The following NDUFA2 variants were observed in gnomAD, a reference collection of about 807,000 sequenced individuals.
The protein encoded by NDUFA2 is NADH dehydrogenase [ubiquinone] 1 alpha subcomplex subunit 2.
In NDUFA2, 9 loss-of-function variants were observed where a neutral mutation model predicts 11.4. The observed-to-expected ratio is 0.79, with a 90% CI of 0.48 to 1.38. NDUFA2 has a LOEUF of 1.38. NDUFA2 is among the 40% of genes most tolerant of loss of function. The pLI is 0.00. For missense variants in NDUFA2, 150 were observed against 131.2 expected (o/e 1.14, Z -0.70); for synonymous variants, 49 against 54.0 (o/e 0.91, Z 0.41).
intron 2 of NDUFA2, chr5:140,646,939 G>A (rs190316258): frequency 3.1e-4 from 86 of 274,684 alleles, no homozygotes; most frequent in Middle Eastern, 2.4e-3. Flanking sequence ...TACCTGGACT[G>A]ACACTGGCTA....
rs745556493 is a variant in NDUFA2 at position 140,647,256 on chromosome 5, C to T, written c.208G>A (p.Ala70Thr). The T allele has an allele frequency of 6.5e-6, 10 of 1,544,798 alleles. No homozygotes were observed. The South Asian group carries it at 1.0e-4, about 16-fold the overall frequency. Residue 70 changes from alanine (A) to threonine (T), a missense_variant and splice_region_variant, in exon 2 of 3, where the codon GCA becomes ACA. Coordinates refer to ENST00000252102, the MANE Select transcript of NDUFA2 (RefSeq NM_002488.5). ...DVQPKLWARY[A>T]FGQETNVPLN... ...CAGACCCCTGGCGTCCCGCACTCAC[C>T]GTAGCGGGCCCAGAGCTTGGGCTGC... is the stretch of plus-strand genomic sequence containing the variant.
chr5:140,645,639 C>A lies in NDUFA2; in HGVS notation c.248G>T (p.Ser83Ile), dbSNP rs767400196. The A allele has an allele frequency of 4.3e-6, 7 of 1,614,092 alleles. No homozygotes were observed. The South Asian group carries it at 5.5e-5, about 13-fold the overall frequency. Residue 83 changes from serine to isoleucine, a missense_variant, in exon 3 of 3, where the codon AGT (serine) becomes ATT (isoleucine). Transcript: ENST00000252102. ...QETNVPLNNFSADQVTRALEN... is the reference protein window; with the variant it reads ...QETNVPLNNFIADQVTRALEN... ...CAGGGCTCTGGTTACCTGATCAGCA[C>A]TGAAGTTGTTCAAAGGGACATTCGT...
At position 140,645,558 on chromosome 5, in the gene NDUFA2, G is replaced by A; in HGVS notation, c.*29C>T. 1 of 1,613,658 alleles carries A rather than the reference G, an allele frequency of 6.2e-7. No individual in the cohort carries two copies. Among genetic ancestry groups the A allele is most frequent in the Non-Finnish European group, 8.5e-7 (1 of 1,179,744 alleles). On this transcript the variant is annotated 3_prime_UTR_variant, in exon 3 of 3. Coordinates refer to ENST00000252102, the MANE Select transcript of NDUFA2 (RefSeq NM_002488.5). ...AGTCCAGCAGAGCCCAGGCTCTGGG[G>A]CTGTTGCTCTTAATCCTCAGTGGAG...
chr5:140,645,362 G>A lies in NDUFA2; in HGVS notation c.*225C>T, dbSNP rs1163115052. On this transcript the variant is annotated 3_prime_UTR_variant, in exon 3 of 3. Coordinates refer to ENST00000252102, the MANE Select transcript of NDUFA2 (RefSeq NM_002488.5). Reference sequence around the variant, plus strand: ...CCCTTCATGTTTGCTTCAGCAGCTGGTAGCTTTTGATGAGACAGAATAAAG... The same window carrying A: ...CCCTTCATGTTTGCTTCAGCAGCTGATAGCTTTTGATGAGACAGAATAAAG... 5.2e-6 allele frequency: 4 copies of A among 768,638 alleles called. No individual in the cohort carries two copies. The highest frequency in any genetic ancestry group is 4.0e-5 in the Admixed American group (2 of 49,670). 47.6% of individuals were successfully genotyped at this position (768,638 alleles called of 1,614,324 possible). A position where few individuals can be genotyped will look rare whatever the true frequency, so the allele number is the denominator to read the frequency against.
Position 140,647,241 on chromosome 5 carries a change from G to A in NDUFA2, c.208+15C>T. On this transcript the variant is annotated intron_variant, in intron 2 of 2. Transcript: ENST00000252102. ...CCCCTACCGGAGCCCCAGACCCCTGGCGTCCCGCACTCACCGTAGCGGGCC... is the reference window on the plus strand; with the variant it reads ...CCCCTACCGGAGCCCCAGACCCCTGACGTCCCGCACTCACCGTAGCGGGCC... The A allele has an allele frequency of 6.5e-7, 1 of 1,530,518 alleles. No individual in the cohort carries two copies. Among genetic ancestry groups the A allele is most frequent in the Non-Finnish European group, 8.8e-7 (1 of 1,140,268 alleles). 94.8% of individuals were successfully genotyped at this position (1,530,518 alleles called of 1,614,324 possible).
At chr5:140,647,134 G>T in intron 2 of NDUFA2, 122 bp downstream of exon 2, 2 of 1,069,998 alleles carry the variant, frequency 1.9e-6, no homozygotes, top group Non-Finnish European at 2.6e-6. Context: ...AAGATCAACA[G>T]CAAGGCTAAA....
chr5:140,647,444 C>G (rs886552960), intron 1 of NDUFA2, 39 bp downstream of exon 1: 2 of 1,607,028 alleles, frequency 1.2e-6, no homozygotes, highest in Middle Eastern at 1.7e-4. Context: ...GTGACCCTGG[C>G]GTCCCGAAGC....
chr5:140,646,102 C>T (rs1757383084), intron 2 of NDUFA2, among the ~76,000 whole-genome samples: 1 of 151,584 alleles, frequency 6.6e-6, no homozygotes, highest in Admixed American at 6.6e-5. Context: ...CCTCCACCTC[C>T]TGGGTTCAAG....
At position 140,647,295 on chromosome 5, in the gene NDUFA2, C is replaced by A; in HGVS notation, c.169G>T (p.Glu57Ter). The A allele has an allele frequency of 1.3e-6, 2 of 1,575,086 alleles. No homozygotes were observed. The highest frequency in any genetic ancestry group is 1.7e-6 in the Non-Finnish European group (2 of 1,158,072). ...ANPDLPILIR[E>*]CSDVQPKLWA... ...AGCTTGGGCTGCACATCGGAGCATTCGCGGATTAGGATGGGTAGGTCGGGA... is the reference window on the plus strand; with the variant it reads ...AGCTTGGGCTGCACATCGGAGCATTAGCGGATTAGGATGGGTAGGTCGGGA... Residue 57 changes from glutamate to a stop codon, truncating the protein, a stop_gained, in exon 2 of 3, where the codon GAA (glutamate) becomes TAA (stop). Coordinates refer to ENST00000252102, the MANE Select transcript of NDUFA2 (RefSeq NM_002488.5). LOFTEE classifies it high-confidence loss of function.
At position 140,645,420 on chromosome 5, in the gene NDUFA2, T is replaced by G. The variant is rs2149800577; in HGVS notation, c.*167A>C. On this transcript the variant is annotated 3_prime_UTR_variant, in exon 3 of 3. Transcript: ENST00000252102. ...TTTATATTAAGCTACTTTGCCTCAG[T>G]GGTTGCACAGTAAGGGGTAGAGGGT... The G allele has an allele frequency of 1.1e-6, 1 of 896,948 alleles. No homozygotes were observed. The highest frequency in any genetic ancestry group is 1.4e-5 in the South Asian group (1 of 70,810). 55.6% of individuals were successfully genotyped at this position (896,948 alleles called of 1,614,324 possible). A position where few individuals can be genotyped will look rare whatever the true frequency, so the allele number is the denominator to read the frequency against.
At chr5:140,647,197 C>T in intron 2 of NDUFA2, 59 bp downstream of exon 2, 1 of 1,504,424 alleles carries the variant, frequency 6.6e-7, no homozygotes, top group Non-Finnish European at 8.9e-7. Context: ...GCGGTCCCTT[C>T]TCTTCTCAAA....
chr5:140,645,521 C>T lies in NDUFA2; in HGVS notation c.*66G>A. ...GAGGAATAGGAGAACACATTTTTTT[C>T]ACATTATACTAAGTCCAGCAGAGCC... is the stretch of plus-strand genomic sequence containing the variant. On this transcript the variant is annotated 3_prime_UTR_variant, in exon 3 of 3. Transcript: ENST00000252102. The T allele has an allele frequency of 6.3e-7, 1 of 1,593,362 alleles. No individual in the cohort carries two copies. Among genetic ancestry groups the T allele is most frequent in the Non-Finnish European group, 8.6e-7 (1 of 1,163,438 alleles).
At chr5:140,647,135 C>A in intron 2 of NDUFA2, 121 bp downstream of exon 2, 1 of 1,084,744 alleles carries the variant, frequency 9.2e-7, no homozygotes. Flanking sequence ...AGATCAACAG[C>A]AAGGCTAAAG....
chr5:140,645,572 T>G lies in NDUFA2; in HGVS notation c.*15A>C, dbSNP rs557903867. Reference sequence around the variant, plus strand: ...CAGGCTCTGGGGCTGTTGCTCTTAATCCTCAGTGGAGGCTTCAGGCTTTAC... The same window carrying G: ...CAGGCTCTGGGGCTGTTGCTCTTAAGCCTCAGTGGAGGCTTCAGGCTTTAC... On this transcript the variant is annotated 3_prime_UTR_variant, in exon 3 of 3. Coordinates refer to ENST00000252102, the MANE Select transcript of NDUFA2 (RefSeq NM_002488.5). The G allele has an allele frequency of 3.7e-6, 6 of 1,614,062 alleles. No homozygotes were observed. The African/African-American group carries it at 8.0e-5, about 22-fold the overall frequency.
At chr5:140,647,149 G>A in intron 2 of NDUFA2, 107 bp downstream of exon 2, 28 of 1,214,270 alleles carry the variant, frequency 2.3e-5, no homozygotes, top group Non-Finnish European at 3.0e-5. Flanking sequence ...GCTAAAGTCC[G>A]AGTTCTAGTT....
Position 140,645,475 on chromosome 5 carries a change from A to G in NDUFA2, c.*112T>C. 1 of 1,409,832 alleles carries G rather than the reference A, an allele frequency of 7.1e-7. No homozygotes were observed. Among genetic ancestry groups the G allele is most frequent in the Non-Finnish European group, 9.9e-7 (1 of 1,012,998 alleles). The allele number at this position is 1,409,832 out of a possible 1,614,324, so 87.3% of individuals were successfully genotyped here. On this transcript the variant is annotated 3_prime_UTR_variant, in exon 3 of 3. Coordinates refer to ENST00000252102, the MANE Select transcript of NDUFA2 (RefSeq NM_002488.5). ...GAGGACAAGAACACCCTGAGAAAGTATTTTACAGCACAAGCTTTATGAGGA... is the reference window on the plus strand; with the variant it reads ...GAGGACAAGAACACCCTGAGAAAGTGTTTTACAGCACAAGCTTTATGAGGA...
intron 2 of NDUFA2, 81 bp downstream of exon 2, chr5:140,647,175 G>T: frequency 1.4e-6 from 2 of 1,428,364 alleles, no homozygotes; most frequent in African/African-American, 1.4e-5. Flanking sequence ...ACGGGTTTCT[G>T]CACGACCTTG....
intron 2 of NDUFA2, 27 bp downstream of exon 2, chr5:140,647,229 C>T (rs1187170654): frequency 7.2e-6 from 11 of 1,525,834 alleles, no homozygotes; most frequent in Non-Finnish European, 9.7e-6. Context: ...CTACCGGAGC[C>T]CCAGACCCCT....
intron 2 of NDUFA2, 127 bp downstream of exon 2, chr5:140,647,129 C>G: frequency 9.6e-7 from 1 of 1,041,774 alleles, no homozygotes; most frequent in Non-Finnish European, 1.4e-6. Context: ...GAAACAAGAT[C>G]AACAGCAAGG....
Sources: gnomAD v4.1 joint callset for allele counts (sites outside exome capture counted in the v4.1 genomes callset) on GRCh38, gnomAD v4.1.1 for gene constraint, MANE v1.5 for transcripts, NCBI Gene and HGNC (gene_info 2026-07-23, HGNC 2026-07-21) for gene names.